The following TBL1XR1 variants were observed in gnomAD, a reference collection of about 807,000 sequenced individuals.
TBL1XR1 encodes F-box-like/WD repeat-containing protein TBL1XR1.
TBL1XR1 carries 5 observed loss-of-function variants against 66.9 expected under a neutral mutation model. The observed-to-expected ratio is 0.07, with a 90% CI of 0.04 to 0.16. The LOEUF (loss-of-function observed/expected upper bound fraction) is 0.16, where lower values mean the gene tolerates loss of function less well. Ranked by LOEUF, TBL1XR1 falls within the 10% of genes least tolerant of loss-of-function variation. TBL1XR1 has a pLI of 1.00. For missense variants in TBL1XR1, 238 were observed against 623.2 expected, an observed-to-expected ratio of 0.38 and a Z score of 6.58; for synonymous variants, 210 against 206.0, an observed-to-expected ratio of 1.02 and a Z score of -0.17.
At chr3:177,175,277 T>C (rs1436049500) in intron 1 of TBL1XR1, among the ~76,000 whole-genome samples, 1 of 152,172 alleles carries the variant, frequency 6.6e-6, no homozygotes, top group Non-Finnish European at 1.5e-5. Flanking sequence ...GCTTTGACAT[T>C]CAGGAATCAT....
chr3:177,036,619 A>G (rs1266867923), intron 12 of TBL1XR1, among the ~76,000 whole-genome samples: 2 of 152,244 alleles, frequency 1.3e-5, no homozygotes, highest in African/African-American at 4.8e-5. Context: ...TGTTATAAGC[A>G]TTAATACGTG....
intron 1 of TBL1XR1, among the ~76,000 whole-genome samples, chr3:177,125,256 C>T (rs936938847): frequency 2.0e-5 from 3 of 151,930 alleles, no homozygotes; most frequent in Admixed American, 2.0e-4. Flanking sequence ...TGAACAGATA[C>T]CCCAAAGAGT....
chr3:177,068,477 A>G (rs1199752575), intron 2 of TBL1XR1, among the ~76,000 whole-genome samples: 6 of 152,258 alleles, frequency 3.9e-5, no homozygotes, highest in Non-Finnish European at 8.8e-5. Flanking sequence ...ATTTTACTGC[A>G]TAACTTTGTA....
At chr3:177,107,268 CAA>C (rs1205114474) in intron 1 of TBL1XR1, among the ~76,000 whole-genome samples, 5 of 152,174 alleles carry the variant, frequency 3.3e-5, no homozygotes, top group African/African-American at 4.8e-5. Context: ...CTGATGAACT[CAA>C]AGAGTCGCTC....
rs566685053 is a variant in TBL1XR1 at position 177,093,627 on chromosome 3, A to G, written c.-46+4839T>C. Among the ~76,000 whole-genome samples, 4 of 152,364 alleles carry G rather than the reference A, an allele frequency of 2.6e-5. No individual in the cohort carries two copies. In the East Asian group the frequency reaches 7.7e-4, roughly 29 times the overall value. On this transcript the variant is annotated intron_variant, in intron 2 of 15. Transcript: ENST00000457928. ...ATGATACTGGTATAAAAATAGGCACATAGGCCAATGGAACAGAACAGAGAA... is the reference window on the plus strand; with the variant it reads ...ATGATACTGGTATAAAAATAGGCACGTAGGCCAATGGAACAGAACAGAGAA...
chr3:177,195,796 T>A (rs113707632), intron 1 of TBL1XR1: 3 of 152,172 alleles, frequency 2.0e-5, no homozygotes, highest in Non-Finnish European at 4.4e-5. Context: ...CAAGCTTGTT[T>A]AGATCAGCAT....
chr3:177,169,485 G>A lies in TBL1XR1; in HGVS notation c.-122+27636C>T, dbSNP rs1005607905. 2.0e-5 allele frequency among the ~76,000 whole-genome samples: 3 copies of A among 152,070 alleles called. No homozygotes were observed. The East Asian group carries it at 5.8e-4, about 29-fold the overall frequency. ...AAAAGCATGATCATGGCAGATACAT[G>A]GAATAAGAAACTATTCAAAATAATG... is the stretch of plus-strand genomic sequence containing the variant. On this transcript the variant is annotated intron_variant, in intron 1 of 15. Coordinates refer to ENST00000457928, the MANE Select transcript of TBL1XR1 (RefSeq NM_024665.7).
At chr3:177,144,686 G>A (rs1213876264) in intron 1 of TBL1XR1, among the ~76,000 whole-genome samples, 1 of 151,968 alleles carries the variant, frequency 6.6e-6, no homozygotes, top group Non-Finnish European at 1.5e-5. Flanking sequence ...CCAGGAGGCG[G>A]AGCTTGCAGT....
intron 1 of TBL1XR1, among the ~76,000 whole-genome samples, chr3:177,187,439 G>A (rs1735562166): frequency 6.7e-6 from 1 of 148,706 alleles, no homozygotes; most frequent in South Asian, 2.1e-4. Flanking sequence ...AGGAATTGAA[G>A]TATCGAGTAT....
chr3:177,060,940 C>A (rs1718441893), intron 3 of TBL1XR1, among the ~76,000 whole-genome samples: 1 of 152,192 alleles, frequency 6.6e-6, no homozygotes, highest in African/African-American at 2.4e-5. Context: ...GTTTTCAAGT[C>A]ATCTCTAAAG....
intron 1 of TBL1XR1, among the ~76,000 whole-genome samples, chr3:177,116,410 T>C (rs1726316328): frequency 6.6e-6 from 1 of 152,166 alleles, no homozygotes; most frequent in Non-Finnish European, 1.5e-5. Flanking sequence ...ATTTCTAGGA[T>C]GCAACTTGAC....
At chr3:177,050,366 A>G (rs949609688) in intron 6 of TBL1XR1, 112 bp downstream of exon 6, 1 of 1,378,198 alleles carries the variant, frequency 7.3e-7, no homozygotes, top group East Asian at 2.5e-5. Context: ...AAATTTACAG[A>G]GACAAAATGG....
chr3:177,160,132 TGAA>T (rs1322625310), intron 1 of TBL1XR1, among the ~76,000 whole-genome samples: 1 of 152,026 alleles, frequency 6.6e-6, no homozygotes, highest in African/African-American at 2.4e-5. Flanking sequence ...ACAAGTAAAT[TGAA>T]GAGCTGTTGG....
chr3:177,103,384 A>C (rs1724471357), intron 1 of TBL1XR1, among the ~76,000 whole-genome samples: 1 of 152,226 alleles, frequency 6.6e-6, no homozygotes, highest in South Asian at 2.1e-4. Flanking sequence ...TTTGTCTCCA[A>C]ACAAAAAGCT....
At chr3:177,158,178 A>AAAAAC (rs1225028881) in intron 1 of TBL1XR1, among the ~76,000 whole-genome samples, 13 of 150,612 alleles carry the variant, frequency 8.6e-5, no homozygotes, top group Admixed American at 2.0e-4. Flanking sequence ...AAACAAAAAC[A>AAAAAC]AAAAAAACCC....
chr3:177,094,790 G>C (rs1316911871), intron 2 of TBL1XR1, among the ~76,000 whole-genome samples: 1 of 152,060 alleles, frequency 6.6e-6, no homozygotes, highest in African/African-American at 2.4e-5. Context: ...AATAGCATAA[G>C]AATATACAAT....
chr3:177,082,738 T>TTTTATATA lies in TBL1XR1; in HGVS notation c.-46+15727_-46+15728insTATATAAA, dbSNP rs1450061640. On this transcript the variant is annotated intron_variant, in intron 2 of 15. Transcript: ENST00000457928. ...TATTACTAAATTTCTAAGATAGAGA[T>TTTTATATA]TATATATATATATATATATATATAT... Among the ~76,000 whole-genome samples the TTTTATATA allele has an allele frequency of 5.3e-3, 338 of 63,214 alleles. 23 individuals carry two copies. Among genetic ancestry groups the TTTTATATA allele is most frequent in the East Asian group, 0.014 (27 of 1,996 alleles). 41.5% of individuals were successfully genotyped at this position (63,214 alleles called of 152,430 possible).
Position 177,028,273 on chromosome 3 carries a change from ACT to A in TBL1XR1, c.1417-1801_1417-1800del, listed in dbSNP as rs376296774. Among the ~76,000 whole-genome samples, 161 of 130,298 alleles carry A rather than the reference ACT, an allele frequency of 1.2e-3. 3 individuals are homozygous for A. The East Asian group carries it at 0.036, about 29-fold the overall frequency. 85.5% of individuals were successfully genotyped at this position (130,298 alleles called of 152,430 possible). A position where few individuals can be genotyped will look rare whatever the true frequency, so the allele number is the denominator to read the frequency against. On this transcript the variant is annotated intron_variant, in intron 14 of 15. Transcript: ENST00000457928. ...TGATTTTCTCCTGCACTGAAAATTC[ACT>A]GTTTTACTATTTTCAAAGTTTGAAA... is the stretch of plus-strand genomic sequence containing the variant.
chr3:177,112,413 T>C (rs1725767335), intron 1 of TBL1XR1, among the ~76,000 whole-genome samples: 1 of 151,908 alleles, frequency 6.6e-6, no homozygotes, highest in Non-Finnish European at 1.5e-5. Context: ...CGGCCTAAAG[T>C]ATCATTTAAA....
Sources: allele counts gnomAD v4.1 joint callset (sites outside exome capture counted in the v4.1 genomes callset), GRCh38; gene constraint gnomAD v4.1.1; transcripts MANE v1.5; gene names NCBI Gene and HGNC (gene_info 2026-07-23, HGNC 2026-07-21).